ZBTB38: variants seen among roughly 807,000 people sequenced by gnomAD.
The protein encoded by ZBTB38 is zinc finger and BTB domain containing 38.
Under a neutral mutation model 76.8 loss-of-function variants are expected in ZBTB38, and 20 were observed. That is an observed-to-expected ratio of 0.26 (90% CI 0.18 to 0.38). The LOEUF (loss-of-function observed/expected upper bound fraction) is 0.38, where lower values mean the gene tolerates loss of function less well. ZBTB38 is among the 10% of genes least tolerant of loss of function. The pLI is 1.00. For missense variants in ZBTB38, 1,082 were observed against 1,482.3 expected (o/e 0.73, Z 4.43); for synonymous variants, 504 against 544.2 (o/e 0.93, Z 1.03).
At chr3:141,359,421 C>T (rs555567668) in intron 1 of ZBTB38, among the ~76,000 whole-genome samples, 15 of 152,234 alleles carry the variant, frequency 9.9e-5, no homozygotes, top group Non-Finnish European at 1.9e-4. Flanking sequence ...ATGTGCCTAT[C>T]TGCCATTGTC....
At position 141,444,563 on chromosome 3, in the gene ZBTB38, G is replaced by T. The variant is rs747716274; in HGVS notation, c.2175G>T (p.Ser725=). 1 of 1,614,092 alleles carries T rather than the reference G, an allele frequency of 6.2e-7. No homozygotes were observed. The highest frequency in any genetic ancestry group is 8.5e-7 in the Non-Finnish European group (1 of 1,180,008). ...SVIVHSSQFS[S]VIMHSNAIAA... Reference sequence around the variant, plus strand: ...TTGTACACAGCAGCCAGTTTTCATCGGTGATCATGCACAGCAATGCCATTG... The same window carrying T: ...TTGTACACAGCAGCCAGTTTTCATCTGTGATCATGCACAGCAATGCCATTG... Residue 725 remains serine (S), a synonymous_variant, in exon 6 of 6, where the codon TCG becomes TCT. Coordinates refer to ENST00000321464, the MANE Select transcript of ZBTB38 (RefSeq NM_001376113.1). The surrounding 1 kb of genome is among the most constrained non-coding windows in gnomAD (Gnocchi z 5.1).
Position 141,442,324 on chromosome 3 carries a change from ATAGTC to A in ZBTB38, c.1-61_1-57del, listed in dbSNP as rs1423127712. The A allele has an allele frequency of 8.2e-7, 1 of 1,223,702 alleles. No individual in the cohort carries two copies. Among genetic ancestry groups the A allele is most frequent in the East Asian group, 2.3e-5 (1 of 42,764 alleles). 75.8% of individuals were successfully genotyped at this position (1,223,702 alleles called of 1,614,324 possible). On this transcript the variant is annotated intron_variant, in intron 5 of 5. Transcript: ENST00000321464. The surrounding 1 kb of genome is among the most constrained non-coding windows in gnomAD (Gnocchi z 6.4). ...GAACAGTTTTTCACAGAAGTGGAAA[ATAGTC>A]TAGAGATAAAGAAGCCACCTGTGGA...
chr3:141,340,978 G>GAAAGAA (rs1273766914), intron 1 of ZBTB38, among the ~76,000 whole-genome samples: 1 of 116,650 alleles, frequency 8.6e-6, no homozygotes, highest in Non-Finnish European at 1.8e-5. Flanking sequence ...AAGAAAGAAA[G>GAAAGAA]AAAGAAAGAA....
intron 5 of ZBTB38, among the ~76,000 whole-genome samples, chr3:141,437,902 C>A (rs1224837456): frequency 6.6e-6 from 1 of 152,030 alleles, no homozygotes; most frequent in African/African-American, 2.4e-5. Context: ...TTTTCTTTTT[C>A]TTTTTCTTTT....
intron 2 of ZBTB38, among the ~76,000 whole-genome samples, chr3:141,371,555 G>C (rs1944608469): frequency 6.6e-6 from 1 of 151,858 alleles, no homozygotes; most frequent in Admixed American, 6.6e-5. Context: ...GCCCAGGCTG[G>C]TCTTGAACTC....
At chr3:141,401,499 T>C (rs1322132618) in intron 4 of ZBTB38, among the ~76,000 whole-genome samples, 1 of 152,234 alleles carries the variant, frequency 6.6e-6, no homozygotes, top group Admixed American at 6.5e-5. Flanking sequence ...CATCAAGTGA[T>C]CACATTCTTA....
chr3:141,414,920 A>C (rs2073602258), intron 5 of ZBTB38, among the ~76,000 whole-genome samples: 1 of 151,136 alleles, frequency 6.6e-6, no homozygotes, highest in Admixed American at 6.6e-5. Flanking sequence ...TGGAATTTAC[A>C]GTGCTTTCCC....
At chr3:141,343,237 G>A (rs1943248594) in intron 1 of ZBTB38, among the ~76,000 whole-genome samples, 1 of 152,072 alleles carries the variant, frequency 6.6e-6, no homozygotes, top group Admixed American at 6.5e-5. Flanking sequence ...TCCCCACTCA[G>A]GGAAAAGATG....
intron 1 of ZBTB38, among the ~76,000 whole-genome samples, chr3:141,342,095 G>T (rs1439765402): frequency 1.2e-4 from 18 of 152,192 alleles, no homozygotes; most frequent in Admixed American, 1.2e-3. Context: ...GAGAGGCCAA[G>T]GCAGGTGGAT....
At chr3:141,410,806 T>C (rs1040681764) in intron 5 of ZBTB38, among the ~76,000 whole-genome samples, 1 of 152,240 alleles carries the variant, frequency 6.6e-6, no homozygotes, top group Admixed American at 6.5e-5. Context: ...TATAACTTAA[T>C]ATTGAAAGAA....
chr3:141,412,802 C>T (rs1180843787), intron 5 of ZBTB38, among the ~76,000 whole-genome samples: 3 of 151,392 alleles, frequency 2.0e-5, no homozygotes, highest in East Asian at 1.9e-4. Flanking sequence ...TTTTTCCACT[C>T]GGTTTTTTTT....
rs369398600 is a variant in ZBTB38, at chr3:141,340,996, GAAGA to G, written c.-739+16557_-739+16560del. Among the ~76,000 whole-genome samples the G allele has an allele frequency of 7.4e-3, 682 of 91,924 alleles. 4 individuals are homozygous for G. The highest frequency in any genetic ancestry group is 0.015 in the South Asian group (40 of 2,702). The allele number at this position is 91,924 out of a possible 152,430, so 60.3% of individuals were successfully genotyped here. On this transcript the variant is annotated intron_variant, in intron 1 of 7. Coordinates refer to the ZBTB38 transcript ENST00000509842. ...AAAGAAAGAAAGAAAGAAAGAGAAA[GAAGA>G]AAGAAAGAAAGAAAGAGAAAGATAG...
intron 2 of ZBTB38, among the ~76,000 whole-genome samples, chr3:141,378,081 G>A (rs1945648839): frequency 6.6e-6 from 1 of 151,980 alleles, no homozygotes; most frequent in Non-Finnish European, 1.5e-5. Flanking sequence ...GAGAGGCTGA[G>A]ATGGGAAGAC....
intron 4 of ZBTB38, among the ~76,000 whole-genome samples, chr3:141,399,987 C>CT (rs557587979): frequency 0.35 from 27,972 of 80,666 alleles, 5,486 homozygotes; most frequent in Non-Finnish European, 0.4. Flanking sequence ...GAAAGTCTTG[C>CT]TTTTTTTTTT....
chr3:141,442,604 C>T lies in ZBTB38; in HGVS notation c.216C>T (p.His72=), dbSNP rs202011273. 23 of 1,614,136 alleles carry T rather than the reference C, an allele frequency of 1.4e-5. No individual in the cohort carries two copies. The African/African-American group carries it at 2.7e-4, about 19-fold the overall frequency. Reference sequence around the variant, plus strand: ...GCCATACAATCTGTATTTCCAGCCACGTCCTGGAGCTGGACGATCTCAAAG... The same window carrying T: ...GCCATACAATCTGTATTTCCAGCCATGTCCTGGAGCTGGACGATCTCAAAG... ...FWSHTICISS[H]VLELDDLKAE... The change falls in exon 6 of 6, where the codon CAC becomes CAT. Residue 72 remains histidine, a synonymous_variant. Transcript: ENST00000321464. This position sits in a 1 kb window ranked among gnomAD's most constrained non-coding sequence, Gnocchi z 6.4.
At chr3:141,383,532 A>G (rs1946498123) in intron 3 of ZBTB38, 1 of 152,240 alleles carries the variant, frequency 6.6e-6, no homozygotes, top group South Asian at 2.1e-4. Flanking sequence ...CCAAATGTTT[A>G]TAAACCAAGT....
intron 1 of ZBTB38, among the ~76,000 whole-genome samples, chr3:141,362,586 C>A (rs1055112339): frequency 2.0e-5 from 3 of 152,100 alleles, no homozygotes; most frequent in African/African-American, 7.2e-5. Flanking sequence ...CTCTTCCTGC[C>A]CACTAACAAG....
At chr3:141,345,186 A>G (rs189056196) in intron 1 of ZBTB38, among the ~76,000 whole-genome samples, 1 of 152,158 alleles carries the variant, frequency 6.6e-6, no homozygotes, top group East Asian at 1.9e-4. Flanking sequence ...TGGGGCACCC[A>G]CTCCAGATAG....
chr3:141,349,803 G>T (rs1302897330), intron 1 of ZBTB38, among the ~76,000 whole-genome samples: 1 of 151,890 alleles, frequency 6.6e-6, no homozygotes, highest in Non-Finnish European at 1.5e-5. Context: ...AAAGAGTAAA[G>T]ATGAGAAACA....
Sources: allele counts gnomAD v4.1 joint callset (sites outside exome capture counted in the v4.1 genomes callset), GRCh38; gene constraint gnomAD v4.1.1; non-coding constraint Gnocchi (gnomAD v3.1); transcripts MANE v1.5; gene names NCBI Gene and HGNC (gene_info 2026-07-23, HGNC 2026-07-21).